RANBP2: variants seen among roughly 807,000 people sequenced by gnomAD.
RANBP2 encodes RAN binding protein 2, also known as E3 SUMO-protein ligase RanBP2.
In RANBP2, 57 loss-of-function variants were observed where a neutral mutation model predicts 303.6. The observed-to-expected ratio is 0.19, with a 90% CI of 0.15 to 0.23. The LOEUF is 0.23. Ranked by LOEUF, RANBP2 falls within the 10% of genes least tolerant of loss-of-function variation. The probability of loss-of-function intolerance (pLI) is 1.00; values close to 1 mark genes in which losing one functional copy is unlikely to be tolerated. For synonymous variants in RANBP2, 1,167 were observed against 1,301.5 expected (o/e 0.90, Z 2.23); for missense variants, 3,138 against 3,780.8 (o/e 0.83, Z 4.46).
At chr2:108,776,063 TTAGTAG>T in intron 24 of RANBP2, 127 bp downstream of exon 24, 1 of 713,542 alleles carries the variant, frequency 1.4e-6, no homozygotes, top group Non-Finnish European at 2.3e-6. Context: ...AAGGGGCATC[TTAGTAG>T]TAGTAGTAAT....
the RANBP2 span, among the ~76,000 whole-genome samples, chr2:109,263,013 T>TA: frequency 6.6e-6 from 1 of 151,954 alleles, no homozygotes; most frequent in Admixed American, 6.6e-5. Context: ...TTTGTATTTT[T>TA]TTTTGTATTT....
the RANBP2 span, among the ~76,000 whole-genome samples, chr2:109,078,096 A>ATATATATATATATATATATAGAGCG: frequency 1.8e-5 from 1 of 54,650 alleles, no homozygotes; most frequent in African/African-American, 1.1e-4. Flanking sequence ...ATATATATAT[A>ATATATATATATATATATATAGAGCG]TATATATATA....
chr2:108,831,809 T>C, the RANBP2 span, among the ~76,000 whole-genome samples: 1 of 151,952 alleles, frequency 6.6e-6, no homozygotes, highest in South Asian at 2.1e-4. Context: ...CTCGGCCCAC[T>C]GCAACTACTG....
chr2:109,508,033 G>A, the RANBP2 span, among the ~76,000 whole-genome samples: 1 of 152,206 alleles, frequency 6.6e-6, no homozygotes. Context: ...CATGACGTTT[G>A]TGGGTATTGC....
the RANBP2 span, among the ~76,000 whole-genome samples, chr2:109,390,327 C>T: frequency 5.3e-5 from 8 of 152,196 alleles, no homozygotes; most frequent in Non-Finnish European, 8.8e-5. Flanking sequence ...TTCTAATCAG[C>T]GGTCCTTCTG....
chr2:108,959,558 C>G, the RANBP2 span, among the ~76,000 whole-genome samples: 1 of 151,922 alleles, frequency 6.6e-6, no homozygotes, highest in Non-Finnish European at 1.5e-5. Context: ...TCCAAGGGAC[C>G]TGGTTCTCAC....
At chr2:109,449,345 C>T in the RANBP2 span, 1 of 1,607,178 alleles carries the variant, frequency 6.2e-7, no homozygotes, top group Non-Finnish European at 8.5e-7. Context: ...CCATCCCCCT[C>T]ACATCAGCAG....
At chr2:109,677,815 T>A in the RANBP2 span, among the ~76,000 whole-genome samples, 2 of 152,246 alleles carry the variant, frequency 1.3e-5, no homozygotes, top group Non-Finnish European at 2.9e-5. Context: ...ACTGTTGAGA[T>A]GATACAGTTT....
At chr2:108,805,569 C>CAAA in the RANBP2 span, among the ~76,000 whole-genome samples, 3 of 149,892 alleles carry the variant, frequency 2.0e-5, no homozygotes, top group African/African-American at 7.4e-5. Flanking sequence ...ACCAAAAATA[C>CAAA]AAAAAAAAAT....
chr2:109,070,942 C>T, the RANBP2 span, among the ~76,000 whole-genome samples: 3 of 152,074 alleles, frequency 2.0e-5, no homozygotes, highest in Admixed American at 6.5e-5. Flanking sequence ...ACGGGCTGCT[C>T]CTTCATCTTC....
the RANBP2 span, among the ~76,000 whole-genome samples, chr2:109,178,533 A>G: frequency 3.3e-5 from 5 of 152,150 alleles, no homozygotes; most frequent in South Asian, 2.1e-4. Context: ...CAACATTGCT[A>G]TGTTTTATTT....
chr2:109,732,715 G>C, the RANBP2 span: 1 of 614,792 alleles, frequency 1.6e-6, no homozygotes, highest in Non-Finnish European at 3.1e-6. Context: ...TGATCCGCCC[G>C]CCTTGGTTTA....
At chr2:109,249,851 A>AT in the RANBP2 span, among the ~76,000 whole-genome samples, 3 of 150,854 alleles carry the variant, frequency 2.0e-5, no homozygotes, top group East Asian at 1.9e-4. Flanking sequence ...TTATTTTTTA[A>AT]TTTTTTTATT....
chr2:108,764,515 C>A lies in RANBP2; in HGVS notation c.3976C>A (p.Pro1326Thr). The A allele has an allele frequency of 2.5e-6, 4 of 1,613,858 alleles. No individual in the cohort carries two copies. The highest frequency in any genetic ancestry group is 3.4e-6 in the Non-Finnish European group (4 of 1,179,942). Residue 1326 changes from proline to threonine, a missense_variant, in exon 20 of 29, where the codon CCC becomes ACC. Pro to Thr is a conservative substitution (Grantham distance 38). Transcript: ENST00000283195. Reference sequence around the variant, plus strand: ...TCAGGCTGTCAGAATTGTAAAAGAACCCACAAGTCATGATAACAAGGATAT... The same window carrying A: ...TCAGGCTGTCAGAATTGTAAAAGAAACCACAAGTCATGATAACAAGGATAT... ...SNQAVRIVKE[P>T]TSHDNKDICK...
At chr2:109,120,397 T>C in the RANBP2 span, among the ~76,000 whole-genome samples, 3 of 152,326 alleles carry the variant, frequency 2.0e-5, no homozygotes, top group South Asian at 6.2e-4. Context: ...TATGCCACAT[T>C]AGCCTCGCAT....
At chr2:109,571,376 C>A in the RANBP2 span, among the ~76,000 whole-genome samples, 1 of 152,102 alleles carries the variant, frequency 6.6e-6, no homozygotes, top group African/African-American at 2.4e-5. Context: ...TCACACAAAC[C>A]TGGATGTTAT....
the RANBP2 span, chr2:108,896,291 C>T: frequency 6.5e-6 from 1 of 153,474 alleles, no homozygotes; most frequent in Non-Finnish European, 1.5e-5. Flanking sequence ...AGGGTATTAA[C>T]AGACTTGTAC....
At chr2:109,034,298 G>GAAAAT in the RANBP2 span, among the ~76,000 whole-genome samples, 9 of 125,450 alleles carry the variant, frequency 7.2e-5, no homozygotes, top group African/African-American at 1.5e-4. Context: ...AAAAAAAAAG[G>GAAAAT]AAGGTTCAAA....
chr2:109,587,437 G>C, the RANBP2 span, among the ~76,000 whole-genome samples: 1 of 152,058 alleles, frequency 6.6e-6, no homozygotes, highest in Admixed American at 6.6e-5. Flanking sequence ...TAGAGAAAGA[G>C]AGAAGGTGAA....
Sources: gnomAD v4.1 joint callset for allele counts (sites outside exome capture counted in the v4.1 genomes callset) on GRCh38, gnomAD v4.1.1 for gene constraint, MANE v1.5 for transcripts, NCBI Gene and HGNC (gene_info 2026-07-23, HGNC 2026-07-21) for gene names.